ZSCAN5A: variants seen among roughly 807,000 people sequenced by gnomAD.
The protein encoded by ZSCAN5A is zinc finger and SCAN domain-containing protein 5A.
Under a neutral mutation model 23.7 loss-of-function variants are expected in ZSCAN5A, and 12 were observed. The ratio of observed to expected loss-of-function variants is 0.51; its 90% CI spans 0.32 to 0.82. The LOEUF (loss-of-function observed/expected upper bound fraction) is 0.82. Ranked by LOEUF, ZSCAN5A falls within the 40% of genes least tolerant of loss-of-function variation. The pLI, the probability that ZSCAN5A is intolerant of heterozygous loss-of-function variation, is 0.03. For synonymous variants in ZSCAN5A, 257 were observed against 239.9 expected, an observed-to-expected ratio of 1.07 and a Z score of -0.66; for missense variants, 597 against 617.9, an observed-to-expected ratio of 0.97 and a Z score of 0.36.
chr19:56,329,210 G>C (rs1198679475), intron 2 of ZSCAN5A, among the ~76,000 whole-genome samples: 2 of 151,680 alleles, frequency 1.3e-5, no homozygotes, highest in Admixed American at 6.6e-5. Flanking sequence ...TTAGCTGGGC[G>C]TGGTGCCATA....
Position 56,225,107 on chromosome 19 carries a change from T to C in ZSCAN5A, c.-61A>G, listed in dbSNP as rs910831084. The C allele has an allele frequency of 3.3e-6, 5 of 1,520,930 alleles. No homozygotes were observed. Among genetic ancestry groups the C allele is most frequent in the Non-Finnish European group, 3.5e-6 (4 of 1,140,934 alleles). The allele number at this position is 1,520,930 out of a possible 1,614,324, so 94.2% of individuals were successfully genotyped here. A position where few individuals can be genotyped will look rare whatever the true frequency, so the allele number is the denominator to read the frequency against. ...AGCTCTTCCAGTAGCTGGTATCTAA[T>C]TGATACCTATCTACACAGGCTTCCT... is the stretch of plus-strand genomic sequence containing the variant. On this transcript the variant is annotated 5_prime_UTR_variant, in exon 3 of 6. Transcript: ENST00000683990.
At chr19:56,321,215 A>G (rs1245088345) in intron 2 of ZSCAN5A, 1 of 670,140 alleles carries the variant, frequency 1.5e-6, no homozygotes, top group Non-Finnish European at 2.8e-6. Flanking sequence ...CTTCTTCTGA[A>G]GGACTTGGAT....
At chr19:56,300,723 T>C (rs932960243) in intron 2 of ZSCAN5A, among the ~76,000 whole-genome samples, 16 of 152,196 alleles carry the variant, frequency 1.1e-4, no homozygotes, top group Admixed American at 3.3e-4. Flanking sequence ...TTTTTTTCGT[T>C]TTCGATTTGC....
At chr19:56,280,182 G>T (rs150494398) in intron 2 of ZSCAN5A, among the ~76,000 whole-genome samples, 1 of 152,124 alleles carries the variant, frequency 6.6e-6, no homozygotes, top group African/African-American at 2.4e-5. Context: ...AAAAGACAGC[G>T]TATTATACAC....
chr19:56,250,891 C>G (rs771839325), intron 2 of ZSCAN5A, among the ~76,000 whole-genome samples: 4 of 152,076 alleles, frequency 2.6e-5, no homozygotes, highest in Non-Finnish European at 4.4e-5. Context: ...ACTAAATGAC[C>G]ACTGATCCCA....
At chr19:56,326,020 C>T (rs549319548) in intron 2 of ZSCAN5A, among the ~76,000 whole-genome samples, 1 of 151,938 alleles carries the variant, frequency 6.6e-6, no homozygotes, top group South Asian at 2.1e-4. Context: ...GCAAGCTCCA[C>T]CTCCCGGGTT....
At chr19:56,294,376 T>C (rs887866368) in intron 2 of ZSCAN5A, among the ~76,000 whole-genome samples, 11 of 152,238 alleles carry the variant, frequency 7.2e-5, no homozygotes, top group African/African-American at 2.4e-4. Context: ...TCATCTATAA[T>C]GTGGGCGTAA....
In ZSCAN5A at chr19:56,352,605, T is replaced by C. The variant is rs959887497; in HGVS notation, c.-358+10630A>G. ...CTCTGAATATAGCAATGATAGTTGG[T>C]TTTTTGTAGACAATTATCAAAGTAA... On this transcript the variant is annotated intron_variant, in intron 2 of 6. Coordinates refer to the ZSCAN5A transcript ENST00000587340. The surrounding 1 kb of genome is among the most constrained non-coding windows in gnomAD (Gnocchi z 4.2). Among the ~76,000 whole-genome samples, 13 of 152,188 alleles carry C rather than the reference T, an allele frequency of 8.5e-5. No homozygotes were observed. The highest frequency in any genetic ancestry group is 1.9e-4 in the Non-Finnish European group (13 of 68,040).
intron 2 of ZSCAN5A, among the ~76,000 whole-genome samples, chr19:56,275,940 TTTATTGATAGC>T: frequency 6.6e-6 from 1 of 152,322 alleles, no homozygotes; most frequent in South Asian, 2.1e-4. Context: ...CCCGAGTAGC[TTTATTGATAGC>T]AGTGAGTGGG....
At chr19:56,256,974 G>A (rs889000197) in intron 2 of ZSCAN5A, among the ~76,000 whole-genome samples, 1 of 152,170 alleles carries the variant, frequency 6.6e-6, no homozygotes, top group Admixed American at 6.5e-5. Context: ...CTGGTGGGAA[G>A]GGGAAATTAA....
At chr19:56,324,109 A>G (rs1405023346) in intron 2 of ZSCAN5A, among the ~76,000 whole-genome samples, 2 of 152,126 alleles carry the variant, frequency 1.3e-5, no homozygotes, top group African/African-American at 2.4e-5. Flanking sequence ...TTGTGCCCAC[A>G]AAACAACCTC....
chr19:56,269,684 G>A (rs10410314), intron 2 of ZSCAN5A, among the ~76,000 whole-genome samples: 18,395 of 152,182 alleles, frequency 0.12, 2,428 homozygotes, highest in African/African-American at 0.33. Context: ...TCGCTGGCCT[G>A]AAAATGGGAG....
intron 2 of ZSCAN5A, among the ~76,000 whole-genome samples, chr19:56,273,659 C>T (rs12461130): frequency 0.43 from 65,940 of 151,834 alleles, 15,610 homozygotes; most frequent in Non-Finnish European, 0.53. Flanking sequence ...CTGAGTCCCT[C>T]CATCAGAGAG....
chr19:56,262,003 C>T (rs932956294), intron 2 of ZSCAN5A, among the ~76,000 whole-genome samples: 8 of 152,130 alleles, frequency 5.3e-5, no homozygotes, highest in Non-Finnish European at 8.8e-5. Context: ...CCAATCTGTG[C>T]CTACCTACAG....
chr19:56,300,110 A>G (rs1201337742), intron 2 of ZSCAN5A: 1 of 152,246 alleles, frequency 6.6e-6, no homozygotes, highest in African/African-American at 2.4e-5. Context: ...ATAATTAAAA[A>G]CAAAATATCC....
chr19:56,295,645 C>A (rs552139227), intron 2 of ZSCAN5A, among the ~76,000 whole-genome samples: 38 of 152,162 alleles, frequency 2.5e-4, no homozygotes, highest in Middle Eastern at 6.8e-3. Context: ...ATGGGAATGG[C>A]GTGGCGGCTT....
chr19:56,266,493 C>CCTTTTTTTTTTTTTTTTT (rs371491455), intron 2 of ZSCAN5A: 2 of 58,002 alleles, frequency 3.4e-5, no homozygotes, highest in Non-Finnish European at 3.4e-5. Context: ...GATGCCCCCA[C>CCTTTTTTTTTTTTTTTTT]TTTTTTTTTT....
At chr19:56,349,363 T>C (rs907121399) in intron 2 of ZSCAN5A, among the ~76,000 whole-genome samples, 1 of 152,116 alleles carries the variant, frequency 6.6e-6, no homozygotes, top group African/African-American at 2.4e-5. Flanking sequence ...AAGCAACCCC[T>C]GACGGTCCAG....
At chr19:56,320,309 C>G (rs926523531) in intron 2 of ZSCAN5A, 2 of 404,730 alleles carry the variant, frequency 4.9e-6, no homozygotes, top group African/African-American at 2.1e-5. Flanking sequence ...GGCAGATCAC[C>G]TGAGGTCAGG....
Sources: allele counts gnomAD v4.1 joint callset (sites outside exome capture counted in the v4.1 genomes callset), GRCh38; gene constraint gnomAD v4.1.1; non-coding constraint Gnocchi (gnomAD v3.1); transcripts MANE v1.5; gene names NCBI Gene and HGNC (gene_info 2026-07-23, HGNC 2026-07-21).